Variants in TRPM3 observed in about 807,000 individuals in gnomAD.
TRPM3 encodes the protein transient receptor potential cation channel subfamily M member 3, also known as long transient receptor potential channel 3.
TRPM3 carries 77 observed loss-of-function variants against 181.2 expected under a neutral mutation model. That is an observed-to-expected ratio of 0.42 (90% CI 0.35 to 0.51). The LOEUF (loss-of-function observed/expected upper bound fraction) is 0.51, where lower values mean the gene tolerates loss of function less well. Among genes scored for constraint, TRPM3 ranks in the 20% least tolerant of loss-of-function variants. TRPM3 has a pLI of 0.01. For synonymous variants in TRPM3, 745 were observed against 796.4 expected (o/e 0.94, Z 1.09); for missense variants, 1,759 against 2,196.7 (o/e 0.80, Z 3.98).
intron 1 of TRPM3, chr9:70,917,269 A>G: frequency 6.7e-7 from 1 of 1,488,114 alleles, no homozygotes; most frequent in South Asian, 1.1e-5. Flanking sequence ...ACACCAATTC[A>G]GCATAGTCAA....
At chr9:70,849,795 GC>G (rs1356182371) in intron 3 of TRPM3, among the ~76,000 whole-genome samples, 1 of 131,862 alleles carries the variant, frequency 7.6e-6, no homozygotes, top group African/African-American at 2.8e-5. Flanking sequence ...ACAAACATAT[GC>G]TTTTTGATTT....
At chr9:71,327,299 T>C (rs1021798399) in intron 1 of TRPM3, among the ~76,000 whole-genome samples, 2 of 152,240 alleles carry the variant, frequency 1.3e-5, no homozygotes, top group Non-Finnish European at 2.9e-5. Context: ...CGACTGCCAA[T>C]GCCATTGTGC....
intron 6 of TRPM3, among the ~76,000 whole-genome samples, chr9:70,802,635 T>C (rs1190892361): frequency 2.0e-5 from 3 of 152,120 alleles, no homozygotes; most frequent in South Asian, 2.1e-4. Context: ...ATTTTGGTTG[T>C]ACAGGATTGA....
chr9:71,240,860 T>C (rs1254918343), intron 1 of TRPM3, among the ~76,000 whole-genome samples: 2 of 152,170 alleles, frequency 1.3e-5, no homozygotes, highest in Non-Finnish European at 2.9e-5. Context: ...ATCTAGGTCA[T>C]GCCAGGGATA....
chr9:71,196,345 T>C (rs932996916), intron 1 of TRPM3, among the ~76,000 whole-genome samples: 1 of 151,940 alleles, frequency 6.6e-6, no homozygotes, highest in African/African-American at 2.4e-5. Flanking sequence ...CCAAATCCAT[T>C]TTTCTAAATT....
chr9:70,936,519 G>C (rs1162520811), intron 1 of TRPM3, among the ~76,000 whole-genome samples: 2 of 152,164 alleles, frequency 1.3e-5, no homozygotes, highest in African/African-American at 4.8e-5. Flanking sequence ...AAGAGCAATC[G>C]ATTTATTAGG....
intron 1 of TRPM3, chr9:70,917,319 G>T: frequency 8.0e-7 from 1 of 1,255,276 alleles, no homozygotes; most frequent in Non-Finnish European, 1.2e-6. Flanking sequence ...GGAGTTTCAT[G>T]AAATATTGCT....
chr9:70,955,930 TATA>T (rs965035538), intron 1 of TRPM3, among the ~76,000 whole-genome samples: 1 of 152,160 alleles, frequency 6.6e-6, no homozygotes, highest in African/African-American at 2.4e-5. Flanking sequence ...GCTGAAAAAG[TATA>T]ATAATGAGAG....
chr9:70,864,449 G>T lies in TRPM3; in HGVS notation c.240C>A (p.Ser80Arg), dbSNP rs759775393. 1 of 1,487,908 alleles carries T rather than the reference G, an allele frequency of 6.7e-7. No individual in the cohort carries two copies. Among genetic ancestry groups the T allele is most frequent in the South Asian group, 1.5e-5 (1 of 65,016 alleles). 92.2% of individuals were successfully genotyped at this position (1,487,908 alleles called of 1,614,324 possible). Residue 80 changes from serine to arginine, a missense_variant, in exon 2 of 26, where the codon AGC (serine) becomes AGA (arginine). Physicochemically the swap from Ser to Arg is moderately radical, Grantham distance 110. Coordinates refer to ENST00000677713, the MANE Select transcript of TRPM3 (RefSeq NM_001366145.2). ...YKRECVHIIP[S>R]TKDPHRCCCG... ...AAGATTACCTATGGGGGTCTTTGGT[G>T]CTGGGTATGATGTGGACACATTCTC...
chr9:71,195,366 T>C (rs1335960833), intron 1 of TRPM3, among the ~76,000 whole-genome samples: 1 of 151,890 alleles, frequency 6.6e-6, no homozygotes, highest in Non-Finnish European at 1.5e-5. Flanking sequence ...AACACATACA[T>C]GCGGCCAACA....
At chr9:71,261,173 C>T (rs1034506161) in intron 1 of TRPM3, among the ~76,000 whole-genome samples, 2 of 152,210 alleles carry the variant, frequency 1.3e-5, no homozygotes, top group African/African-American at 4.8e-5. Flanking sequence ...TTCACATAGT[C>T]CCATATTCCT....
At chr9:71,109,397 T>C (rs2070515785) in intron 1 of TRPM3, among the ~76,000 whole-genome samples, 1 of 152,134 alleles carries the variant, frequency 6.6e-6, no homozygotes, top group Admixed American at 6.6e-5. Context: ...GTCTAGTTTA[T>C]TACAAAAGAC....
At chr9:71,232,623 C>T (rs1002275306) in intron 1 of TRPM3, among the ~76,000 whole-genome samples, 2 of 151,150 alleles carry the variant, frequency 1.3e-5, no homozygotes, top group Admixed American at 6.6e-5. Flanking sequence ...GCCTCAGCCT[C>T]GCAAGTAGCT....
intron 1 of TRPM3, among the ~76,000 whole-genome samples, chr9:71,308,272 ATT>A (rs2087569786): frequency 6.6e-6 from 1 of 152,122 alleles, no homozygotes; most frequent in African/African-American, 2.4e-5. Context: ...ATTGAGAAAT[ATT>A]TGTTTCTTTA....
At chr9:70,764,855 GC>G (rs2078803588) in intron 7 of TRPM3, among the ~76,000 whole-genome samples, 1 of 152,060 alleles carries the variant, frequency 6.6e-6, no homozygotes, top group African/African-American at 2.4e-5. Context: ...GTGCTTTCCT[GC>G]CTTTAACAGC....
At chr9:71,159,046 C>A (rs1243208980) in intron 1 of TRPM3, among the ~76,000 whole-genome samples, 1 of 151,212 alleles carries the variant, frequency 6.6e-6, no homozygotes, top group African/African-American at 2.4e-5. Context: ...TTGCAGGAAG[C>A]AGACGGTGGG....
chr9:70,813,105 ATT>A (rs11354405), intron 6 of TRPM3, among the ~76,000 whole-genome samples: 1 of 151,914 alleles, frequency 6.6e-6, no homozygotes, highest in Non-Finnish European at 1.5e-5. Flanking sequence ...CGTGACTGTG[ATT>A]TTTTTTACAA....
intron 1 of TRPM3, among the ~76,000 whole-genome samples, chr9:71,237,077 G>T (rs372495660): frequency 1.8e-5 from 2 of 112,862 alleles, no homozygotes; most frequent in African/African-American, 7.0e-5. Context: ...GGGAAAAAAA[G>T]AAAGGAAAGG....
intron 1 of TRPM3, among the ~76,000 whole-genome samples, chr9:71,361,568 A>C (rs2132728185): frequency 6.6e-6 from 1 of 152,312 alleles, no homozygotes; most frequent in South Asian, 2.1e-4. Context: ...CAGGTATGTC[A>C]AGCTGGCTGG....
Sources: allele counts gnomAD v4.1 joint callset (sites outside exome capture counted in the v4.1 genomes callset), GRCh38; gene constraint gnomAD v4.1.1; transcripts MANE v1.5; gene names NCBI Gene and HGNC (gene_info 2026-07-23, HGNC 2026-07-21).